The following CASD1 variants were observed in gnomAD, a reference collection of about 807,000 sequenced individuals.
CASD1 encodes the protein CAS1 domain sialic acid O acetyltransferase 1.
A neutral mutation model predicts 100.0 loss-of-function variants in CASD1; 41 were observed. The ratio of observed to expected loss-of-function variants is 0.41; its 90% CI spans 0.32 to 0.53. The LOEUF (loss-of-function observed/expected upper bound fraction) is 0.53, where lower values mean the gene tolerates loss of function less well. CASD1 is among the 20% of genes least tolerant of loss of function. The probability of loss-of-function intolerance (pLI) is 0.25; values close to 1 mark genes in which losing one functional copy is unlikely to be tolerated. For synonymous variants in CASD1, 321 were observed against 315.6 expected (o/e 1.02, Z -0.18); for missense variants, 774 against 948.7 (o/e 0.82, Z 2.42).
At chr7:94,608,801 G>A in the CASD1 span, among the ~76,000 whole-genome samples, 2 of 152,134 alleles carry the variant, frequency 1.3e-5, no homozygotes, top group South Asian at 2.1e-4. Context: ...TGGCAAAGGA[G>A]CAAAGGCAAT....
At chr7:94,515,434 C>G (rs1246052436) in intron 1 of CASD1, among the ~76,000 whole-genome samples, 4 of 147,458 alleles carry the variant, frequency 2.7e-5, no homozygotes, top group East Asian at 2.0e-4. Flanking sequence ...TTTTTTGATA[C>G]GGGTTCATCA....
the CASD1 span, among the ~76,000 whole-genome samples, chr7:94,584,607 C>A: frequency 1.3e-5 from 2 of 152,122 alleles, no homozygotes; most frequent in East Asian, 1.9e-4. Flanking sequence ...TAATAGGTGA[C>A]ACAAAAATTT....
chr7:94,542,484 T>C (rs1037365733), intron 10 of CASD1, among the ~76,000 whole-genome samples: 3 of 152,210 alleles, frequency 2.0e-5, no homozygotes, highest in Admixed American at 6.5e-5. Context: ...AAATAAAATA[T>C]ATTTATTGAA....
At chr7:94,594,950 T>G in the CASD1 span, among the ~76,000 whole-genome samples, 2 of 152,120 alleles carry the variant, frequency 1.3e-5, no homozygotes, top group Non-Finnish European at 2.9e-5. Context: ...CTGCTCCAGC[T>G]TCCCTGTCCA....
chr7:94,624,160 C>T, the CASD1 span: 1 of 314,174 alleles, frequency 3.2e-6, no homozygotes, highest in Non-Finnish European at 5.2e-6. Context: ...TCTGCAGTAC[C>T]TCAAAAAAAA....
At chr7:94,617,550 A>G in the CASD1 span, 1 of 152,230 alleles carries the variant, frequency 6.6e-6, no homozygotes, top group Non-Finnish European at 1.5e-5. Flanking sequence ...ATTACTTTAT[A>G]GGAAAGAGAA....
chr7:94,562,579 C>G, the CASD1 span, among the ~76,000 whole-genome samples: 1 of 152,100 alleles, frequency 6.6e-6, no homozygotes. Context: ...CGAAAGTTCT[C>G]CTTATCCTGT....
Position 94,533,819 on chromosome 7 carries a change from G to T in CASD1, c.628+17G>T. On this transcript the variant is annotated intron_variant, in intron 7 of 17. Transcript: ENST00000297273. ...TCTTACAAGGTAAGGAATGAGTAAT[G>T]AAAAAATGTCACTTTGTGTATATTT... 1.3e-6 allele frequency: 2 copies of T among 1,525,494 alleles called. No individual in the cohort carries two copies. Among genetic ancestry groups the T allele is most frequent in the South Asian group, 1.3e-5 (1 of 75,608 alleles). The allele number at this position is 1,525,494 out of a possible 1,614,324, so 94.5% of individuals were successfully genotyped here. A position where few individuals can be genotyped will look rare whatever the true frequency, so the allele number is the denominator to read the frequency against.
the CASD1 span, chr7:94,585,579 A>G: frequency 9.3e-7 from 1 of 1,081,028 alleles, no homozygotes; most frequent in East Asian, 2.4e-5. Flanking sequence ...TTAGATTTTG[A>G]GCAAAGCAAA....
At chr7:94,604,452 A>C in the CASD1 span, among the ~76,000 whole-genome samples, 2 of 151,870 alleles carry the variant, frequency 1.3e-5, no homozygotes, top group Admixed American at 6.6e-5. Flanking sequence ...ATAAGGAAAA[A>C]CAAATTTGGA....
At chr7:94,549,747 G>A in intron 14 of CASD1, 113 bp downstream of exon 14, 1 of 762,208 alleles carries the variant, frequency 1.3e-6, no homozygotes, top group Non-Finnish European at 2.1e-6. Context: ...TGTTGATTTA[G>A]TAAATCAAAG....
chr7:94,598,980 T>C, the CASD1 span: 1 of 1,594,100 alleles, frequency 6.3e-7, no homozygotes. Context: ...CAAAAAGAAA[T>C]AAAACAACAT....
the CASD1 span, among the ~76,000 whole-genome samples, chr7:94,631,605 T>C: frequency 1.3e-5 from 2 of 151,930 alleles, no homozygotes; most frequent in Non-Finnish European, 2.9e-5. Context: ...ATTTCAGCAT[T>C]TCACAGTGAA....
At chr7:94,552,296 T>C in intron 15 of CASD1, 54 bp from the exon 16 acceptor site, 1 of 1,199,622 alleles carries the variant, frequency 8.3e-7, no homozygotes, top group Non-Finnish European at 1.2e-6. Flanking sequence ...CTGTGAGGCT[T>C]ATGCCTCTTC....
At chr7:94,602,371 T>C in the CASD1 span, among the ~76,000 whole-genome samples, 1 of 152,160 alleles carries the variant, frequency 6.6e-6, no homozygotes, top group Non-Finnish European at 1.5e-5. Flanking sequence ...CAAGGAGTGC[T>C]AAGTGTTGCA....
At chr7:94,594,959 C>T in the CASD1 span, among the ~76,000 whole-genome samples, 2 of 152,206 alleles carry the variant, frequency 1.3e-5, no homozygotes, top group South Asian at 4.2e-4. Context: ...CTTCCCTGTC[C>T]ACTGCCTCTT....
At position 94,533,698 on chromosome 7, in the gene CASD1, A is replaced by G; in HGVS notation, c.524A>G (p.Asn175Ser). The G allele has an allele frequency of 3.1e-6, 5 of 1,600,208 alleles. No individual in the cohort carries two copies. The South Asian group carries it at 3.4e-5, about 11-fold the overall frequency. Residue 175 changes from asparagine (N) to serine (S), a missense_variant, in exon 7 of 18, where the codon AAT becomes AGT. Asn to Ser is a conservative substitution (Grantham distance 46). Coordinates refer to ENST00000297273, the MANE Select transcript of CASD1 (RefSeq NM_022900.5). ...GAATWSIKIH[N>S]GSSEALSQYK... ...TTTTAGTGGTCCATCAAGATTCACA[A>G]TGGTAGCAGTGAAGCGCTTTCTCAA...
chr7:94,560,061 A>G (rs1796315996), downstream of CASD1, among the ~76,000 whole-genome samples: 1 of 151,950 alleles, frequency 6.6e-6, no homozygotes, highest in Non-Finnish European at 1.5e-5. Context: ...TTTTCTATCC[A>G]TCCTTAGTAC....
the CASD1 span, among the ~76,000 whole-genome samples, chr7:94,581,289 TACACTGTCCA>T: frequency 6.6e-6 from 1 of 152,238 alleles, no homozygotes; most frequent in Non-Finnish European, 1.5e-5. Flanking sequence ...CCAGTTTTAA[TACACTGTCCA>T]ACACTAGTTG....
Sources: gnomAD v4.1 joint callset for allele counts (sites outside exome capture counted in the v4.1 genomes callset) on GRCh38, gnomAD v4.1.1 for gene constraint, MANE v1.5 for transcripts, NCBI Gene and HGNC (gene_info 2026-07-23, HGNC 2026-07-21) for gene names.